C4orf36: variants seen among roughly 807,000 people sequenced by gnomAD.
The protein encoded by C4orf36 is uncharacterized protein C4orf36.
Under a neutral mutation model 12.2 loss-of-function variants are expected in C4orf36, and 11 were observed. The observed-to-expected ratio is 0.90, with a 90% confidence interval of 0.57 to 1.49. C4orf36 has a LOEUF of 1.49. Ranked by LOEUF, C4orf36 falls within the 40% of genes most tolerant of loss-of-function variation. The pLI, the probability that C4orf36 is intolerant of heterozygous loss-of-function variation, is 0.00. For synonymous variants in C4orf36, 54 were observed against 51.3 expected (o/e 1.05, Z -0.22); for missense variants, 137 against 133.9 (o/e 1.02, Z -0.11).
At chr4:86,934,850 G>C in the C4orf36 span, 4 of 152,214 alleles carry the variant, frequency 2.6e-5, no homozygotes, top group African/African-American at 9.6e-5. Context: ...ACCAATCCCG[G>C]GAGGGCCGCG....
the C4orf36 span, among the ~76,000 whole-genome samples, chr4:86,909,796 C>T: frequency 6.8e-6 from 1 of 146,510 alleles, no homozygotes; most frequent in East Asian, 2.1e-4. Context: ...CACTGAGCCA[C>T]ATGATAAAGT....
chr4:86,908,600 C>G, the C4orf36 span, among the ~76,000 whole-genome samples: 1 of 148,400 alleles, frequency 6.7e-6, no homozygotes, highest in African/African-American at 2.5e-5. Flanking sequence ...TACACTTACA[C>G]TCTCTCTCTC....
upstream of C4orf36, among the ~76,000 whole-genome samples, chr4:86,895,103 G>A (rs1747560745): frequency 6.6e-6 from 1 of 152,084 alleles, no homozygotes; most frequent in African/African-American, 2.4e-5. Flanking sequence ...CTTGAGCCTG[G>A]GAGTTCAAGA....
the C4orf36 span, among the ~76,000 whole-genome samples, chr4:86,924,201 T>C: frequency 2.6e-5 from 4 of 152,034 alleles, no homozygotes; most frequent in Non-Finnish European, 5.9e-5. Context: ...CCACCACATG[T>C]GGTTGTTTCT....
intron 4 of C4orf36, among the ~76,000 whole-genome samples, chr4:86,880,053 C>T (rs190351602): frequency 5.3e-5 from 8 of 152,106 alleles, no homozygotes; most frequent in South Asian, 4.2e-4. Flanking sequence ...GAGGTCTCAC[C>T]GTATTGCTCA....
the C4orf36 span, chr4:86,914,088 T>C: frequency 8.1e-6 from 13 of 1,608,796 alleles, no homozygotes; most frequent in Non-Finnish European, 9.4e-6. Context: ...TTTAATGTGC[T>C]TGCTCACCCA....
At chr4:86,919,310 TC>T in the C4orf36 span, among the ~76,000 whole-genome samples, 9 of 110,382 alleles carry the variant, frequency 8.2e-5, no homozygotes, top group Non-Finnish European at 1.5e-4. Context: ...TCTGCTTTTT[TC>T]CCCCTTTTTT....
At chr4:86,891,710 C>A in intron 1 of C4orf36, 117 bp from the exon 2 acceptor site, 1 of 970,942 alleles carries the variant, frequency 1.0e-6, no homozygotes, top group Admixed American at 3.3e-5. Context: ...TGAACTGGAA[C>A]CCCAAGTGTA....
At chr4:86,896,595 T>A (rs1747594971), upstream of C4orf36, among the ~76,000 whole-genome samples, 1 of 152,194 alleles carries the variant, frequency 6.6e-6, no homozygotes, top group African/African-American at 2.4e-5. Flanking sequence ...CCTTTGCTTA[T>A]TTCTCTCATT....
chr4:86,927,309 A>G, the C4orf36 span, among the ~76,000 whole-genome samples: 1 of 152,264 alleles, frequency 6.6e-6, no homozygotes, highest in South Asian at 2.1e-4. Context: ...GCTTGAACCC[A>G]GCATGGGCCA....
the C4orf36 span, chr4:86,933,400 G>A: frequency 2.0e-5 from 3 of 152,054 alleles, no homozygotes; most frequent in Non-Finnish European, 2.9e-5. Flanking sequence ...CTTACTCTCT[G>A]AACCAAAGCT....
At chr4:86,899,679 A>C in the C4orf36 span, among the ~76,000 whole-genome samples, 1 of 152,102 alleles carries the variant, frequency 6.6e-6, no homozygotes. Flanking sequence ...AAATATATAC[A>C]TATTAGCCAA....
chr4:86,885,596 G>C (rs1271999941), intron 4 of C4orf36, among the ~76,000 whole-genome samples: 2 of 152,134 alleles, frequency 1.3e-5, no homozygotes. Flanking sequence ...AGGAGATTTT[G>C]GGCTGAGACG....
the C4orf36 span, chr4:86,914,864 G>A: frequency 1.7e-4 from 66 of 397,778 alleles, no homozygotes; most frequent in Non-Finnish European, 4.7e-5. Flanking sequence ...GGGGGAGTCC[G>A]GACGGGCTTG....
Position 86,877,821 on chromosome 4 carries a change from C to T in C4orf36, c.*3-1378G>A, listed in dbSNP as rs577735705. ...AACCCCCAGGATGCTTTGATTGTTC[C>T]GCACCTTTATAAAATTGGAAATCTA... On this transcript the variant is annotated intron_variant, in intron 4 of 4. Coordinates refer to ENST00000295898, the MANE Select transcript of C4orf36 (RefSeq NM_144645.4). Among the ~76,000 whole-genome samples the T allele has an allele frequency of 5.5e-4, 83 of 152,114 alleles. No individual in the cohort carries two copies. In the South Asian group the frequency reaches 8.6e-3, roughly 16 times the overall value.
In C4orf36 at chr4:86,892,379, C is replaced by A. The variant is rs1578782031; in HGVS notation, c.-270G>T. The A allele has an allele frequency of 1.0e-6, 1 of 985,382 alleles. No individual in the cohort carries two copies. The highest frequency in any genetic ancestry group is 1.7e-5 in the African/African-American group (1 of 57,246). The allele number at this position is 985,382 out of a possible 1,614,324, so 61.0% of individuals were successfully genotyped here. On this transcript the variant is annotated 5_prime_UTR_variant, in exon 1 of 5. Transcript: ENST00000295898. The stretch of plus-strand genomic sequence containing the variant: ...CCGCGCACACGCCTCGGGGCCGCGC[C>A]GCAGGCACACGCCTCCTTCCCGCTC...
chr4:86,880,655 G>A (rs1747031056), intron 4 of C4orf36, among the ~76,000 whole-genome samples: 5 of 152,160 alleles, frequency 3.3e-5, no homozygotes. Flanking sequence ...ATACTAAAGA[G>A]ACTCCTTCAA....
the C4orf36 span, chr4:86,933,313 TAGG>T: frequency 6.6e-6 from 1 of 152,184 alleles, no homozygotes; most frequent in Admixed American, 6.5e-5. Flanking sequence ...GTCATGAAAA[TAGG>T]AGCTCTGTCT....
rs947539788 is a variant in C4orf36 at position 86,892,254 on chromosome 4, C to G, written c.-145G>C. On this transcript the variant is annotated 5_prime_UTR_variant, in exon 1 of 5. Transcript: ENST00000295898. ...CGGGGCTTCCAGGGTGGCGGGTCCCCGCGAGCCGGCGCCGGCGGCCTGGTT... is the reference window on the plus strand; with the variant it reads ...CGGGGCTTCCAGGGTGGCGGGTCCCGGCGAGCCGGCGCCGGCGGCCTGGTT... 29 of 985,746 alleles carry G rather than the reference C, an allele frequency of 2.9e-5. No homozygotes were observed. The highest frequency in any genetic ancestry group is 3.4e-5 in the Non-Finnish European group (28 of 830,326). 61.1% of individuals were successfully genotyped at this position (985,746 alleles called of 1,614,324 possible). A position where few individuals can be genotyped will look rare whatever the true frequency, so the allele number is the denominator to read the frequency against.
Sources: allele counts gnomAD v4.1 joint callset (sites outside exome capture counted in the v4.1 genomes callset), GRCh38; gene constraint gnomAD v4.1.1; transcripts MANE v1.5; gene names NCBI Gene and HGNC (gene_info 2026-07-23, HGNC 2026-07-21).